Variants in ANKDD1A observed in about 807,000 individuals in gnomAD.
The protein encoded by ANKDD1A is ankyrin repeat and death domain containing 1A.
In ANKDD1A, 59 loss-of-function variants were observed where a neutral mutation model predicts 63.5. The observed-to-expected ratio is 0.93, with a 90% CI of 0.75 to 1.15. ANKDD1A has a LOEUF of 1.15. ANKDD1A is among the 50% of genes most tolerant of loss of function. The pLI, the probability that ANKDD1A is intolerant of heterozygous loss-of-function variation, is 0.00. For synonymous variants in ANKDD1A, 266 were observed against 263.9 expected (o/e 1.01, Z -0.08); for missense variants, 632 against 656.4 (o/e 0.96, Z 0.41).
At chr15:64,952,166 TTTC>T (rs2085300316) in intron 14 of ANKDD1A, among the ~76,000 whole-genome samples, 2 of 150,816 alleles carry the variant, frequency 1.3e-5, no homozygotes, top group Non-Finnish European at 3.0e-5. Flanking sequence ...TCTTCATCTT[TTTC>T]TTTCTTCTTT....
rs1302097434 is a variant in ANKDD1A at position 64,930,814 on chromosome 15, T to C, written c.571-8T>C. The C allele has an allele frequency of 3.1e-6, 5 of 1,610,966 alleles. No homozygotes were observed. The highest frequency in any genetic ancestry group is 3.4e-6 in the Non-Finnish European group (4 of 1,179,482). On this transcript the variant is annotated splice_region_variant and splice_polypyrimidine_tract_variant and intron_variant, in intron 6 of 14. Transcript: ENST00000319580. ...CTGCTGGCCTCTCAGGAGCCCTTTT[T>C]CCTGCAGGAGGGGAACACTGCCCTT... is the stretch of plus-strand genomic sequence containing the variant.
chr15:64,951,724 TTTC>T (rs140080911), intron 14 of ANKDD1A, among the ~76,000 whole-genome samples: 73 of 5,768 alleles, frequency 0.013, no homozygotes, highest in Non-Finnish European at 0.071. Context: ...TTTCTTCCCT[TTTC>T]TTCTTTCCTC....
At chr15:64,948,047 T>TAA (rs144701118) in intron 13 of ANKDD1A, among the ~76,000 whole-genome samples, 1 of 152,038 alleles carries the variant, frequency 6.6e-6, no homozygotes, top group Non-Finnish European at 1.5e-5. Context: ...AGGAATCAAC[T>TAA]AAAAAAATCT....
intron 9 of ANKDD1A, among the ~76,000 whole-genome samples, chr15:64,939,381 T>G (rs1481760185): frequency 6.6e-6 from 1 of 152,048 alleles, no homozygotes; most frequent in Non-Finnish European, 1.5e-5. Flanking sequence ...TCCGGCACTT[T>G]GAGAAGTCGA....
At chr15:64,945,525 G>A (rs2085215086) in intron 12 of ANKDD1A, among the ~76,000 whole-genome samples, 1 of 145,284 alleles carries the variant, frequency 6.9e-6, no homozygotes, top group South Asian at 2.1e-4. Flanking sequence ...ATAAAGTAAT[G>A]TAAGTGTACT....
Position 64,917,444 on chromosome 15 carries a change from T to G in ANKDD1A, c.197T>G (p.Leu66Arg). The G allele has an allele frequency of 1.9e-6, 3 of 1,609,948 alleles. No individual in the cohort carries two copies. The change falls in exon 3 of 15, where the codon CTG becomes CGG. Residue 66 changes from leucine (L) to arginine (R), a missense_variant. Leu to Arg is a moderately radical substitution (Grantham distance 102). Coordinates refer to ENST00000319580, the MANE Select transcript of ANKDD1A (RefSeq NM_182703.6). ...AGAGHEQAVR[L>R]LLEHEAAVDE... ...GCAGGGCACGAGCAGGCTGTGCGTC[T>G]GCTTCTGGAGCACGAGGCTGCTGTG...
rs112235301 is a variant in ANKDD1A, at chr15:64,955,195, A to G, written c.1484-1908A>G. On this transcript the variant is annotated intron_variant, in intron 14 of 14. Transcript: ENST00000319580. Reference sequence around the variant, plus strand: ...CAGCCTCCTGAGTAGCTGGGACTACAGGTGCCTGCCACCACACCCAGCTAA... The same window carrying G: ...CAGCCTCCTGAGTAGCTGGGACTACGGGTGCCTGCCACCACACCCAGCTAA... Among the ~76,000 whole-genome samples the G allele has an allele frequency of 8.2e-3, 1,249 of 152,132 alleles. 52 individuals carry two copies. In the South Asian group the frequency reaches 0.12, roughly 15 times the overall value.
At chr15:64,919,205 A>G (rs1037577246) in intron 3 of ANKDD1A, among the ~76,000 whole-genome samples, 5 of 152,144 alleles carry the variant, frequency 3.3e-5, no homozygotes, top group African/African-American at 9.7e-5. Flanking sequence ...CCCCACTGTC[A>G]GGAGGCTCTG....
intron 4 of ANKDD1A, among the ~76,000 whole-genome samples, chr15:64,923,246 A>G (rs1250227411): frequency 6.6e-6 from 1 of 152,154 alleles, no homozygotes. Flanking sequence ...GCCACTAGCC[A>G]AGGAATTCGG....
chr15:64,914,634 G>C (rs964851378), intron 1 of ANKDD1A, among the ~76,000 whole-genome samples: 5 of 152,210 alleles, frequency 3.3e-5, no homozygotes, highest in African/African-American at 1.2e-4. Flanking sequence ...GCCCACCTTT[G>C]GGCCTGCTGT....
At chr15:64,919,753 C>G (rs1236088741) in intron 3 of ANKDD1A, 1 of 152,220 alleles carries the variant, frequency 6.6e-6, no homozygotes, top group Non-Finnish European at 1.5e-5. Context: ...TAGAGGAGAC[C>G]TACATTATAC....
chr15:64,947,734 G>A lies in ANKDD1A; in HGVS notation c.1351+141G>A, dbSNP rs2085235345. 3 of 1,000,142 alleles carry A rather than the reference G, an allele frequency of 3.0e-6. No homozygotes were observed. In the East Asian group the frequency reaches 7.9e-5, roughly 26 times the overall value. The allele number at this position is 1,000,142 out of a possible 1,614,324, so 62.0% of individuals were successfully genotyped here. On this transcript the variant is annotated intron_variant, in intron 13 of 14. Transcript: ENST00000319580. ...TCCCACACTGTCCAACACACCTGGTGCTCTGTCCCTCCTCCAGGCCTCTGC... is the reference window on the plus strand; with the variant it reads ...TCCCACACTGTCCAACACACCTGGTACTCTGTCCCTCCTCCAGGCCTCTGC...
chr15:64,926,554 G>C (rs1001958046), intron 5 of ANKDD1A, among the ~76,000 whole-genome samples: 2 of 152,118 alleles, frequency 1.3e-5, no homozygotes, highest in African/African-American at 4.8e-5. Flanking sequence ...AAGGGCTCTA[G>C]TGTGAGTTCT....
chr15:64,917,484 G>T lies in ANKDD1A; in HGVS notation c.237G>T (p.Ala79=), dbSNP rs775286563. ...EHEAAVDEED[A]VGALTEARLC... ...AGGCTGCTGTGGACGAGGAGGATGC[G>T]GTAGGGGCCCTCACAGAGGCACGTC... The change falls in exon 3 of 15, where the codon GCG becomes GCT. Residue 79 remains alanine, a synonymous_variant. Coordinates refer to ENST00000319580, the MANE Select transcript of ANKDD1A (RefSeq NM_182703.6). 112 of 1,593,028 alleles carry T rather than the reference G, an allele frequency of 7.0e-5. No homozygotes were observed. Among genetic ancestry groups the T allele is most frequent in the Non-Finnish European group, 9.1e-5 (106 of 1,170,258 alleles).
intron 10 of ANKDD1A, among the ~76,000 whole-genome samples, chr15:64,943,015 C>T (rs1349632033): frequency 6.6e-6 from 1 of 152,198 alleles, no homozygotes; most frequent in African/African-American, 2.4e-5. Context: ...CTCACAGAGC[C>T]ACTGGGAGCT....
At chr15:64,935,883 A>G (rs2085127816) in intron 9 of ANKDD1A, among the ~76,000 whole-genome samples, 1 of 152,094 alleles carries the variant, frequency 6.6e-6, no homozygotes, top group Non-Finnish European at 1.5e-5. Context: ...AATGGTGACT[A>G]TCTTTCTAGA....
At chr15:64,950,036 G>A (rs1444086287) in intron 14 of ANKDD1A, 64 bp downstream of exon 14, 3 of 1,586,266 alleles carry the variant, frequency 1.9e-6, no homozygotes, top group Non-Finnish European at 2.6e-6. Flanking sequence ...AATGCAGCAG[G>A]GCCCTCCAAG....
intron 14 of ANKDD1A, among the ~76,000 whole-genome samples, chr15:64,951,720 C>CGTTCTTCCTTTCTTTTCTTTCTTT (rs1276132353): frequency 0.042 from 5,766 of 136,230 alleles, 510 homozygotes; most frequent in African/African-American, 0.15. Flanking sequence ...TCTTTTTCTT[C>CGTTCTTCCTTTCTTTTCTTTCTTT]CCTTTTCTTC....
At chr15:64,956,994 T>C (rs1488904562) in intron 14 of ANKDD1A, 109 bp from the exon 15 acceptor site, 1 of 407,068 alleles carries the variant, frequency 2.5e-6, no homozygotes, top group Non-Finnish European at 4.8e-6. Context: ...TCCTAACATA[T>C]ATGTTGCGAG....
Sources: allele counts gnomAD v4.1 joint callset (sites outside exome capture counted in the v4.1 genomes callset), GRCh38; gene constraint gnomAD v4.1.1; transcripts MANE v1.5; gene names NCBI Gene and HGNC (gene_info 2026-07-23, HGNC 2026-07-21).